The following CAMTA1 variants were observed in gnomAD, a reference collection of about 807,000 sequenced individuals.
CAMTA1 encodes calmodulin binding transcription activator 1.
A neutral mutation model predicts 170.9 loss-of-function variants in CAMTA1; 27 were observed. The ratio of observed to expected loss-of-function variants is 0.16; its 90% confidence interval spans 0.12 to 0.22. CAMTA1 has a LOEUF of 0.22. Ranked by LOEUF, CAMTA1 falls within the 10% of genes least tolerant of loss-of-function variation. The pLI is 1.00. For missense variants in CAMTA1, 1,619 were observed against 2,217.2 expected (o/e 0.73, Z 5.42); for synonymous variants, 833 against 891.5 (o/e 0.93, Z 1.17).
rs1441575536 is a variant in CAMTA1 at position 7,547,731 on chromosome 1, G to A, written c.510+79830G>A. 1.3e-5 allele frequency among the ~76,000 whole-genome samples: 2 copies of A among 150,574 alleles called. No homozygotes were observed. Among genetic ancestry groups the A allele is most frequent in the African/African-American group, 4.9e-5 (2 of 40,740 alleles). On this transcript the variant is annotated intron_variant, in intron 6 of 22. Transcript: ENST00000303635. This position sits in a 1 kb window ranked among gnomAD's most constrained non-coding sequence, Gnocchi z 5.7. Reference sequence around the variant, plus strand: ...TTTTTTTTTTAGCTCATCAGCTACCGTTAGTGTTAGTATATTTATGTGTGG... The same window carrying A: ...TTTTTTTTTTAGCTCATCAGCTACCATTAGTGTTAGTATATTTATGTGTGG...
At chr1:7,513,047 C>T (rs1221020884) in intron 6 of CAMTA1, among the ~76,000 whole-genome samples, 3 of 152,324 alleles carry the variant, frequency 2.0e-5, no homozygotes, top group Non-Finnish European at 1.5e-5. Flanking sequence ...GAGTGACAGG[C>T]ACTGACTCCC....
At chr1:7,614,900 G>T (rs72867154) in intron 6 of CAMTA1, among the ~76,000 whole-genome samples, 6,925 of 152,236 alleles carry the variant, frequency 0.045, 508 homozygotes, top group African/African-American at 0.16. Flanking sequence ...AGATACTGCT[G>T]GGGGGAGGGT....
chr1:7,449,212 T>C (rs1460568020), intron 5 of CAMTA1, among the ~76,000 whole-genome samples: 1 of 152,214 alleles, frequency 6.6e-6, no homozygotes, highest in Non-Finnish European at 1.5e-5. Context: ...AGCGAGGAGA[T>C]GTAGGCCTAG....
At chr1:7,338,450 A>T (rs1222888340) in intron 5 of CAMTA1, among the ~76,000 whole-genome samples, 1 of 152,204 alleles carries the variant, frequency 6.6e-6, no homozygotes, top group African/African-American at 2.4e-5. Context: ...GAGCTTTTCC[A>T]TAAAGCCCAC....
At chr1:7,699,980 C>G (rs1021178360) in intron 11 of CAMTA1, among the ~76,000 whole-genome samples, 13 of 152,126 alleles carry the variant, frequency 8.5e-5, no homozygotes, top group African/African-American at 3.1e-4. Flanking sequence ...AGTGAAATGT[C>G]TTTTTACTTC....
intron 4 of CAMTA1, among the ~76,000 whole-genome samples, chr1:7,207,595 A>G (rs1164924797): frequency 6.6e-6 from 1 of 152,156 alleles, no homozygotes; most frequent in Non-Finnish European, 1.5e-5. Context: ...TCTAGGATCA[A>G]CCCTATTTCT....
intron 1 of CAMTA1, among the ~76,000 whole-genome samples, chr1:6,809,673 A>G (rs1174035917): frequency 6.6e-6 from 1 of 152,140 alleles, no homozygotes. Flanking sequence ...GGAGCAGAGA[A>G]GGGGCCTGAG....
chr1:7,216,945 A>G lies in CAMTA1; in HGVS notation c.303-32546A>G, dbSNP rs1458944349. 6.6e-6 allele frequency among the ~76,000 whole-genome samples: 1 copy of G among 152,172 alleles called. No individual in the cohort carries two copies. The highest frequency in any genetic ancestry group is 2.4e-5 in the African/African-American group (1 of 41,436). On this transcript the variant is annotated intron_variant, in intron 4 of 22. Transcript: ENST00000303635. The surrounding 1 kb of genome is among the most constrained non-coding windows in gnomAD (Gnocchi z 4.0). ...TAATGTTGTTTCTTAAATTATACTT[A>G]TTCTACTTTGATATCAAGATTGCAA... is the stretch of plus-strand genomic sequence containing the variant.
chr1:7,492,888 C>G (rs1219217843), intron 6 of CAMTA1, among the ~76,000 whole-genome samples: 1 of 150,982 alleles, frequency 6.6e-6, no homozygotes. Flanking sequence ...TGCACAAACA[C>G]AAACCTACAT....
intron 11 of CAMTA1, among the ~76,000 whole-genome samples, chr1:7,711,183 A>C (rs1241479093): frequency 1.3e-5 from 2 of 152,166 alleles, no homozygotes; most frequent in Middle Eastern, 3.2e-3. Flanking sequence ...GTATCCTTAC[A>C]AGGTGGAAAG....
chr1:7,662,263 C>T (rs1282953148), intron 8 of CAMTA1, among the ~76,000 whole-genome samples: 2 of 152,220 alleles, frequency 1.3e-5, no homozygotes, highest in African/African-American at 2.4e-5. Flanking sequence ...AGTGACACCA[C>T]GCAGGCGCAA....
chr1:7,737,015 G>A lies in CAMTA1; in HGVS notation c.3342+6G>A. 6.2e-7 allele frequency: 1 copy of A among 1,604,076 alleles called. No individual in the cohort carries two copies. Among genetic ancestry groups the A allele is most frequent in the East Asian group, 2.2e-5 (1 of 44,810 alleles). On this transcript the variant is annotated splice_donor_region_variant and intron_variant, in intron 14 of 22. Transcript: ENST00000303635. ...ACTTCTCCTGTACTCCTCTGGTAAG[G>A]AATGGATTCCTGTAGCCCCCCCTTG...
intron 5 of CAMTA1, among the ~76,000 whole-genome samples, chr1:7,414,472 C>T (rs1368425743): frequency 3.3e-5 from 5 of 152,170 alleles, no homozygotes; most frequent in African/African-American, 9.7e-5. Flanking sequence ...CAACTTCTTC[C>T]TGGTTTAGTC....
chr1:7,106,471 C>T (rs545773518), intron 4 of CAMTA1, among the ~76,000 whole-genome samples: 2 of 152,168 alleles, frequency 1.3e-5, no homozygotes, highest in South Asian at 4.2e-4. Context: ...AAACTGAGAC[C>T]CAGAAATTAT....
At chr1:7,647,414 C>T (rs2095815844) in intron 7 of CAMTA1, among the ~76,000 whole-genome samples, 2 of 152,208 alleles carry the variant, frequency 1.3e-5, no homozygotes, top group Non-Finnish European at 2.9e-5. Flanking sequence ...ACCAGCGCCA[C>T]CTGGTGGCCA....
At chr1:7,430,107 C>A (rs1336729090) in intron 5 of CAMTA1, among the ~76,000 whole-genome samples, 2 of 152,044 alleles carry the variant, frequency 1.3e-5, no homozygotes, top group Non-Finnish European at 2.9e-5. Flanking sequence ...ACTGCTGCTG[C>A]TGATGGGGAT....
At chr1:7,272,692 C>CAAAAAAAAAAAAAAAAAAAAAAAAAAAAA (rs371588178) in intron 5 of CAMTA1, among the ~76,000 whole-genome samples, 5 of 38,802 alleles carry the variant, frequency 1.3e-4, no homozygotes, top group Admixed American at 3.9e-4. Flanking sequence ...TAAACACATG[C>CAAAAAAAAAAAAAAAAAAAAAAAAAAAAA]AAAAAAAAAA....
At chr1:7,611,547 G>C (rs945791823) in intron 6 of CAMTA1, among the ~76,000 whole-genome samples, 1 of 152,226 alleles carries the variant, frequency 6.6e-6, no homozygotes, top group African/African-American at 2.4e-5. Context: ...ACCCGGGTGG[G>C]TGTGAGAGAG....
intron 6 of CAMTA1, among the ~76,000 whole-genome samples, chr1:7,491,808 T>C (rs1371222128): frequency 6.6e-6 from 1 of 152,224 alleles, no homozygotes; most frequent in Non-Finnish European, 1.5e-5. Flanking sequence ...AGCTCAGTGA[T>C]GGGCAGAGCT....
Sources: gnomAD v4.1 joint callset for allele counts (sites outside exome capture counted in the v4.1 genomes callset) on GRCh38, gnomAD v4.1.1 for gene constraint, Gnocchi (gnomAD v3.1) non-coding constraint, MANE v1.5 for transcripts, NCBI Gene and HGNC (gene_info 2026-07-23, HGNC 2026-07-21) for gene names.